The following CEP126 variants were observed in gnomAD, a reference collection of about 807,000 sequenced individuals.
The protein encoded by CEP126 is centrosomal protein of 126 kDa.
CEP126 carries 74 observed loss-of-function variants against 107.8 expected under a neutral mutation model. The observed-to-expected ratio is 0.69, with a 90% CI of 0.57 to 0.83. CEP126 has a LOEUF of 0.83. Among genes scored for constraint, CEP126 ranks in the 40% least tolerant of loss-of-function variants. CEP126 has a pLI of 0.00. For synonymous variants in CEP126, 449 were observed against 446.0 expected (o/e 1.01, Z -0.08); for missense variants, 1,237 against 1,281.9 (o/e 0.96, Z 0.53).
At chr11:101,974,216 A>G (rs1218972348) in intron 6 of CEP126, among the ~76,000 whole-genome samples, 1 of 152,224 alleles carries the variant, frequency 6.6e-6, no homozygotes, top group Non-Finnish European at 1.5e-5. Flanking sequence ...CAATAATTTT[A>G]GGCAGTAACA....
rs577543234 is a variant in CEP126 at position 101,993,020 on chromosome 11, C to A, written c.3309+178C>A. The A allele has an allele frequency of 2.3e-5, 8 of 355,386 alleles. No individual in the cohort carries two copies. In the South Asian group the frequency reaches 9.1e-4, roughly 41 times the overall value. The allele number at this position is 355,386 out of a possible 1,614,324, so 22.0% of individuals were successfully genotyped here. Reference sequence around the variant, plus strand: ...TGTTCATTAGAATTATGCAAATATCCTGTCATTTAAAAAAATCCTTAAAGG... The same window carrying A: ...TGTTCATTAGAATTATGCAAATATCATGTCATTTAAAAAAATCCTTAAAGG... On this transcript the variant is annotated intron_variant, in intron 10 of 10. Coordinates refer to ENST00000263468, the MANE Select transcript of CEP126 (RefSeq NM_020802.4).
intron 1 of CEP126, among the ~76,000 whole-genome samples, chr11:101,921,784 T>C (rs1459973826): frequency 1.5e-5 from 2 of 131,288 alleles, no homozygotes; most frequent in African/African-American, 5.6e-5. Context: ...TTTCTTTTTT[T>C]TTTTTTTTTT....
intron 2 of CEP126, among the ~76,000 whole-genome samples, chr11:101,935,247 G>T (rs1940559992): frequency 6.6e-6 from 1 of 151,662 alleles, no homozygotes; most frequent in Admixed American, 6.6e-5. Flanking sequence ...TATATATTCT[G>T]GGTACAAGTT....
In CEP126 at chr11:101,962,738, A is replaced by G. The variant is rs1212890133; in HGVS notation, c.1703A>G (p.Glu568Gly). ...AAGAAAATGAAATACAACATCCATG[A>G]GAGAAATGGTGTGAGATTTCTTAAA... is the stretch of plus-strand genomic sequence containing the variant. Reference protein sequence around the residue: ...QHKKMKYNIHERNGVRFLKSI... With the variant: ...QHKKMKYNIHGRNGVRFLKSI... The change falls in exon 6 of 11, where the codon GAG becomes GGG. Residue 568 changes from glutamate (E) to glycine (G), a missense_variant. Around this residue, in one of 3 missense-constraint regions of CEP126, gnomAD observed 1,134 missense variants for 1,150.5 expected, o/e 0.99. Transcript: ENST00000263468. 5 of 1,611,992 alleles carry G rather than the reference A, an allele frequency of 3.1e-6. No individual in the cohort carries two copies. The Admixed American group carries it at 8.4e-5, about 27-fold the overall frequency.
At chr11:101,974,030 C>G (rs577250234) in intron 6 of CEP126, among the ~76,000 whole-genome samples, 13 of 152,112 alleles carry the variant, frequency 8.5e-5, no homozygotes, top group Non-Finnish European at 1.8e-4. Context: ...AAAAGTTTTT[C>G]TCAATGTGGT....
At position 101,936,531 on chromosome 11, in the gene CEP126, T is replaced by G. The variant is rs532614519; in HGVS notation, c.249-7734T>G. Among the ~76,000 whole-genome samples, 195 of 152,308 alleles carry G rather than the reference T, an allele frequency of 1.3e-3. 2 individuals carry two copies. Among genetic ancestry groups the G allele is most frequent in the East Asian group, 7.7e-4 (4 of 5,192 alleles). On this transcript the variant is annotated intron_variant, in intron 2 of 10. Coordinates refer to ENST00000263468, the MANE Select transcript of CEP126 (RefSeq NM_020802.4). ...GCAAATAAAGAGAATTTAATGTCTA[T>G]CTTTCCAGTCAATATGGCTTTTACT...
At chr11:101,984,635 C>T (rs186675904) in intron 8 of CEP126, among the ~76,000 whole-genome samples, 5 of 152,162 alleles carry the variant, frequency 3.3e-5, no homozygotes, top group Admixed American at 1.3e-4. Flanking sequence ...GTTTATTGAA[C>T]GACTAGAGCA....
chr11:101,992,001 T>C (rs1238946423), intron 9 of CEP126, among the ~76,000 whole-genome samples: 2 of 152,138 alleles, frequency 1.3e-5, no homozygotes, highest in East Asian at 3.9e-4. Context: ...CCATAGGGCA[T>C]TGTGGAGGCA....
intron 9 of CEP126, among the ~76,000 whole-genome samples, chr11:101,991,603 C>G (rs758306044): frequency 2.0e-5 from 3 of 151,960 alleles, no homozygotes. Context: ...TCTTAAGAGA[C>G]AGATATGTGA....
intron 4 of CEP126, 100 bp from the exon 5 acceptor site, chr11:101,958,068 C>G (rs1940922735): frequency 2.1e-6 from 2 of 971,294 alleles, no homozygotes. Flanking sequence ...GTTATCTGGA[C>G]AAACACACAC....
intron 10 of CEP126, 82 bp downstream of exon 10, chr11:101,992,924 G>C: frequency 8.1e-7 from 1 of 1,234,964 alleles, no homozygotes; most frequent in Admixed American, 4.0e-5. Flanking sequence ...TAAGAACCCC[G>C]TATTAATATT....
At position 101,962,457 on chromosome 11, in the gene CEP126, T is replaced by G. The variant is rs750128952; in HGVS notation, c.1422T>G (p.Pro474=). Reference sequence around the variant, plus strand: ...CATCTAATATACAGTCAGCTAGACCTTCAGCAAAGAACAGTATACACATAA... The same window carrying G: ...CATCTAATATACAGTCAGCTAGACCGTCAGCAAAGAACAGTATACACATAA... The part of the protein sequence containing the change: ...VLPSNIQSAR[P]SAKNSIHIKE... The change falls in exon 6 of 11, where the codon CCT becomes CCG. Residue 474 remains proline (P), a synonymous_variant. Coordinates refer to ENST00000263468, the MANE Select transcript of CEP126 (RefSeq NM_020802.4). 1 of 1,613,734 alleles carries G rather than the reference T, an allele frequency of 6.2e-7. No individual in the cohort carries two copies. Among genetic ancestry groups the G allele is most frequent in the Non-Finnish European group, 8.5e-7 (1 of 1,179,816 alleles).
chr11:101,966,185 T>G (rs532102207), intron 6 of CEP126, among the ~76,000 whole-genome samples: 2 of 152,330 alleles, frequency 1.3e-5, no homozygotes, highest in Non-Finnish European at 2.9e-5. Flanking sequence ...TGTAAATATC[T>G]ATACCTATTA....
chr11:101,938,401 ATT>A (rs199954098), intron 2 of CEP126, among the ~76,000 whole-genome samples: 25 of 113,012 alleles, frequency 2.2e-4, no homozygotes, highest in Admixed American at 6.7e-4. Context: ...TGTTTTCTCT[ATT>A]TTTTTTTTTT....
intron 3 of CEP126, among the ~76,000 whole-genome samples, chr11:101,946,964 T>G (rs1940745476): frequency 6.6e-6 from 1 of 152,216 alleles, no homozygotes; most frequent in African/African-American, 2.4e-5. Flanking sequence ...TATTTATTAC[T>G]TTGATAGATG....
intron 4 of CEP126, among the ~76,000 whole-genome samples, chr11:101,953,949 G>C (rs1940848167): frequency 1.3e-5 from 2 of 151,936 alleles, no homozygotes; most frequent in Non-Finnish European, 2.9e-5. Flanking sequence ...TTTCTATACA[G>C]GGCTTCTTCA....
intron 2 of CEP126, among the ~76,000 whole-genome samples, chr11:101,925,857 G>A (rs576656900): frequency 2.7e-5 from 4 of 147,204 alleles, no homozygotes; most frequent in Admixed American, 6.9e-5. Flanking sequence ...GTTTCGCCAC[G>A]TTGGCCAGGC....
chr11:101,918,109 C>A (rs1940258268), intron 1 of CEP126, among the ~76,000 whole-genome samples: 1 of 152,030 alleles, frequency 6.6e-6, no homozygotes, highest in Non-Finnish European at 1.5e-5. Flanking sequence ...CTTTTTTTCC[C>A]CCCAGGCTCA....
intron 7 of CEP126, among the ~76,000 whole-genome samples, chr11:101,979,798 CTAAG>C (rs1394984435): frequency 1.3e-5 from 2 of 152,052 alleles, no homozygotes; most frequent in Non-Finnish European, 2.9e-5. Context: ...TCTGTAAGAG[CTAAG>C]TAAGTGAAAT....
Sources: allele counts gnomAD v4.1 joint callset (sites outside exome capture counted in the v4.1 genomes callset), GRCh38; gene constraint gnomAD v4.1.1; regional missense constraint gnomAD v4.1.1; transcripts MANE v1.5; gene names NCBI Gene and HGNC (gene_info 2026-07-23, HGNC 2026-07-21).